Variants in STRADB observed in about 807,000 individuals in gnomAD.
The protein encoded by STRADB is STE20 related adaptor beta, also known as STE20-related kinase adapter protein beta.
STRADB carries 34 observed loss-of-function variants against 52.1 expected under a neutral mutation model. That is an observed-to-expected ratio of 0.65 (90% CI 0.50 to 0.87). The LOEUF is 0.87. Ranked by LOEUF, STRADB falls within the 40% of genes least tolerant of loss-of-function variation. The pLI is 0.00. For missense variants in STRADB, 340 were observed against 483.9 expected (o/e 0.70, Z 2.79); for synonymous variants, 133 against 174.5 (o/e 0.76, Z 1.87).
At chr2:201,459,416 A>T (rs571388835) in intron 3 of STRADB, among the ~76,000 whole-genome samples, 8 of 152,148 alleles carry the variant, frequency 5.3e-5, no homozygotes, top group African/African-American at 1.9e-4. Context: ...CTTCTTTCAA[A>T]CCCACCAACT....
rs940775082 is a variant in STRADB at position 201,469,993 on chromosome 2, G to A, written c.134G>A (p.Arg45Lys). Residue 45 changes from arginine (R) to lysine (K), a missense_variant, in exon 4 of 12, where the codon AGA becomes AAA. Arg to Lys is a conservative substitution (Grantham distance 26). Transcript: ENST00000194530. ...PTLSWSRPST[R>K]ASEVLCSTNV... The stretch of plus-strand genomic sequence containing the variant: ...CTTTCCTGGTCACGTCCATCCACTA[G>A]AGCCAGTGAAGTACTATGTTCCACC... 3 of 1,614,036 alleles carry A rather than the reference G, an allele frequency of 1.9e-6. No homozygotes were observed. Among genetic ancestry groups the A allele is most frequent in the Non-Finnish European group, 1.7e-6 (2 of 1,179,984 alleles).
At chr2:201,468,008 A>T (rs1249068891) in intron 3 of STRADB, among the ~76,000 whole-genome samples, 3 of 131,414 alleles carry the variant, frequency 2.3e-5, no homozygotes, top group Non-Finnish European at 4.9e-5. Flanking sequence ...TTTTGCATTT[A>T]TCCTTGTAAA....
intron 3 of STRADB, among the ~76,000 whole-genome samples, chr2:201,459,126 G>A (rs998934783): frequency 6.6e-6 from 1 of 152,058 alleles, no homozygotes; most frequent in African/African-American, 2.4e-5. Flanking sequence ...TTTTCCAGGA[G>A]TCTATAACTG....
rs773216660 is a variant in STRADB, at chr2:201,479,540, A to C, written c.1113+9A>C. On this transcript the variant is annotated intron_variant, in intron 11 of 11. Coordinates refer to ENST00000194530, the MANE Select transcript of STRADB (RefSeq NM_018571.6). Reference sequence around the variant, plus strand: ...ATGTTTTCTTCAAACAGGTGAGCTGATCTATCATCCGTTGTCTCGATGTTT... The same window carrying C: ...ATGTTTTCTTCAAACAGGTGAGCTGCTCTATCATCCGTTGTCTCGATGTTT... 14 of 1,599,324 alleles carry C rather than the reference A, an allele frequency of 8.8e-6. No individual in the cohort carries two copies. In the Admixed American group the frequency reaches 1.1e-4, roughly 12 times the overall value.
At position 201,469,962 on chromosome 2, in the gene STRADB, C is replaced by T. The variant is rs922173801; in HGVS notation, c.103C>T (p.Pro35Ser). The change falls in exon 4 of 12, where the codon CCA (proline) becomes TCA (serine). Residue 35 changes from proline (P) to serine (S), a missense_variant. Coordinates refer to ENST00000194530, the MANE Select transcript of STRADB (RefSeq NM_018571.6). ...TSIHQYLVDE[P>S]TLSWSRPSTR... ...TTAAAAACAAATGCAGGTTGATGAG[C>T]CAACCCTTTCCTGGTCACGTCCATC... 1.9e-6 allele frequency: 3 copies of T among 1,613,104 alleles called. No individual in the cohort carries two copies. In the African/African-American group the frequency reaches 4.0e-5, roughly 22 times the overall value.
chr2:201,480,000 A>C (rs1361268199), intron 11 of STRADB, 32 bp from the exon 12 acceptor site: 1 of 1,611,770 alleles, frequency 6.2e-7, no homozygotes, highest in Non-Finnish European at 8.5e-7. Flanking sequence ...GAAATGATAT[A>C]TCAACAGCCT....
At chr2:201,452,476 G>A (rs1352003417) in intron 1 of STRADB, among the ~76,000 whole-genome samples, 2 of 152,236 alleles carry the variant, frequency 1.3e-5, no homozygotes, top group Non-Finnish European at 2.9e-5. Context: ...TCTTTGTCAA[G>A]TACCTTTTCC....
chr2:201,478,314 A>G, intron 9 of STRADB, 43 bp from the exon 10 acceptor site: 1 of 1,606,670 alleles, frequency 6.2e-7, no homozygotes, highest in South Asian at 1.1e-5. Flanking sequence ...CTGTTTTAAT[A>G]TTTTGCCTGA....
At chr2:201,474,843 C>T in intron 6 of STRADB, 88 bp downstream of exon 6, 1 of 1,020,024 alleles carries the variant, frequency 9.8e-7, no homozygotes. Context: ...TGATTTGCCA[C>T]ATTTAATTTA....
At chr2:201,455,551 A>G (rs1322105274) in intron 2 of STRADB, among the ~76,000 whole-genome samples, 1 of 152,086 alleles carries the variant, frequency 6.6e-6, no homozygotes, top group East Asian at 1.9e-4. Flanking sequence ...CTGTCTGTAT[A>G]AAATATTAGC....
intron 1 of STRADB, among the ~76,000 whole-genome samples, chr2:201,453,049 C>T (rs568446741): frequency 6.6e-6 from 1 of 152,062 alleles, no homozygotes; most frequent in East Asian, 1.9e-4. Flanking sequence ...ACCCCCACCC[C>T]TTTGCTGGGT....
chr2:201,469,263 T>C lies in STRADB; in HGVS notation c.94-690T>C, dbSNP rs1039216380. On this transcript the variant is annotated intron_variant, in intron 3 of 11. Coordinates refer to ENST00000194530, the MANE Select transcript of STRADB (RefSeq NM_018571.6). ...GTGTCCTTTGGAGTAGTTATGTCCA[T>C]TGGGAGACCCTCATGGTTATCATAT... Among the ~76,000 whole-genome samples, 10 of 152,208 alleles carry C rather than the reference T, an allele frequency of 6.6e-5. 1 individual carries two copies. The highest frequency in any genetic ancestry group is 2.6e-4 in the Admixed American group (4 of 15,278).
chr2:201,454,885 T>C, intron 2 of STRADB, 33 bp downstream of exon 2: 1 of 1,598,448 alleles, frequency 6.3e-7, no homozygotes, highest in Non-Finnish European at 8.5e-7. Flanking sequence ...CTGATTTTGT[T>C]CTGTCAGAGT....
chr2:201,459,202 C>T (rs1204706983), intron 3 of STRADB, among the ~76,000 whole-genome samples: 1 of 152,036 alleles, frequency 6.6e-6, no homozygotes, highest in African/African-American at 2.4e-5. Context: ...TTCACCTGTT[C>T]CTATGACTTC....
intron 1 of STRADB, among the ~76,000 whole-genome samples, chr2:201,453,997 C>G (rs1374326902): frequency 6.6e-6 from 1 of 152,180 alleles, no homozygotes; most frequent in Non-Finnish European, 1.5e-5. Flanking sequence ...ACAAAATCTT[C>G]CCTTTCTCAT....
At chr2:201,461,265 A>G (rs1442169235) in intron 3 of STRADB, among the ~76,000 whole-genome samples, 2 of 152,176 alleles carry the variant, frequency 1.3e-5, no homozygotes, top group African/African-American at 4.8e-5. Flanking sequence ...CATAGCTCAC[A>G]GCAGCCTTTA....
Position 201,458,864 on chromosome 2 carries a change from G to C in STRADB, c.93G>C (p.Leu31Phe), listed in dbSNP as rs770367535. Residue 31 changes from leucine to phenylalanine, a missense_variant and splice_region_variant, in exon 3 of 12, where the codon TTG becomes TTC. By Grantham distance (22) the Leu-to-Phe change is conservative. Transcript: ENST00000194530. ...CTGAAACCAGTATCCATCAATACTT[G>C]GTAAGAAAATGGTTAGGCTGGATGC... ...KQSETSIHQY[L>F]VDEPTLSWSR... is the part of the protein sequence containing the mutation. 1 of 1,612,588 alleles carries C rather than the reference G, an allele frequency of 6.2e-7. No individual in the cohort carries two copies. Among genetic ancestry groups the C allele is most frequent in the South Asian group, 1.1e-5 (1 of 90,832 alleles).
chr2:201,476,040 A>G (rs896587178), intron 7 of STRADB, among the ~76,000 whole-genome samples: 12 of 152,214 alleles, frequency 7.9e-5, no homozygotes, highest in African/African-American at 2.9e-4. Context: ...GAGCTGTAGG[A>G]AATGGGATCC....
In STRADB at chr2:201,479,401, C is replaced by G. The variant is rs953480108; in HGVS notation, c.1071-88C>G. On this transcript the variant is annotated intron_variant, in intron 10 of 11. Transcript: ENST00000194530. Reference sequence around the variant, plus strand: ...CTTTTTCGTATTGGGTTTTATAGCACTAAACCTAATTTCTAACATATTTTT... The same window carrying G: ...CTTTTTCGTATTGGGTTTTATAGCAGTAAACCTAATTTCTAACATATTTTT... The G allele has an allele frequency of 1.6e-5, 20 of 1,271,006 alleles. No homozygotes were observed. In the African/African-American group the frequency reaches 2.6e-4, roughly 17 times the overall value. 78.7% of individuals were successfully genotyped at this position (1,271,006 alleles called of 1,614,324 possible). A position where few individuals can be genotyped will look rare whatever the true frequency, so the allele number is the denominator to read the frequency against.
Sources: allele counts gnomAD v4.1 joint callset (sites outside exome capture counted in the v4.1 genomes callset), GRCh38; gene constraint gnomAD v4.1.1; transcripts MANE v1.5; gene names NCBI Gene and HGNC (gene_info 2026-07-23, HGNC 2026-07-21).